MINDY4: variants seen among roughly 807,000 people sequenced by gnomAD.
The protein encoded by MINDY4 is MINDY lysine 48 deubiquitinase 4.
Under a neutral mutation model 87.0 loss-of-function variants are expected in MINDY4, and 68 were observed. The observed-to-expected ratio is 0.78, with a 90% confidence interval of 0.64 to 0.96. The LOEUF (loss-of-function observed/expected upper bound fraction) is 0.96. Ranked by LOEUF, MINDY4 falls within the 40% of genes least tolerant of loss-of-function variation. MINDY4 has a pLI of 0.00. For synonymous variants in MINDY4, 379 were observed against 363.2 expected (o/e 1.04, Z -0.50); for missense variants, 919 against 928.2 (o/e 0.99, Z 0.13).
At chr7:30,828,007 A>G (rs574313568) in intron 5 of MINDY4, among the ~76,000 whole-genome samples, 1 of 152,208 alleles carries the variant, frequency 6.6e-6, no homozygotes, top group Non-Finnish European at 1.5e-5. Flanking sequence ...AGGTCAATGT[A>G]TGCTGGAGAA....
At chr7:30,771,658 C>A in intron 1 of MINDY4, 102 bp downstream of exon 1, 1 of 1,129,598 alleles carries the variant, frequency 8.9e-7, no homozygotes, top group Non-Finnish European at 1.3e-6. Context: ...GGCGCCCGTT[C>A]CCTACCTACT....
At chr7:30,883,259 C>G (rs1392490025) in intron 17 of MINDY4, among the ~76,000 whole-genome samples, 1 of 152,198 alleles carries the variant, frequency 6.6e-6, no homozygotes, top group East Asian at 1.9e-4. Context: ...ATGGGCACCT[C>G]TTGAAGCCCC....
intron 13 of MINDY4, among the ~76,000 whole-genome samples, chr7:30,864,710 T>C (rs891544050): frequency 1.3e-5 from 2 of 152,236 alleles, no homozygotes; most frequent in African/African-American, 2.4e-5. Flanking sequence ...AGGCAGTCAC[T>C]GCCCAGAGAA....
chr7:30,877,037 C>G (rs558234070), intron 15 of MINDY4, among the ~76,000 whole-genome samples: 20 of 152,222 alleles, frequency 1.3e-4, no homozygotes, highest in Non-Finnish European at 2.2e-4. Flanking sequence ...GATGATACCC[C>G]CAGCATGCCA....
chr7:30,872,255 C>CT lies in MINDY4; in HGVS notation c.1761dup (p.Asp588Ter). ...TTGTGTTTTCCAGCATCCGCCAGGA[C>CT]TTTGATGTCCCCACCAGCCACCTGA... On this transcript the variant is annotated frameshift_variant, in exon 14 of 18. Transcript: ENST00000265299. LOFTEE classifies it high-confidence loss of function. 1 of 1,614,186 alleles carries CT rather than the reference C, an allele frequency of 6.2e-7. No homozygotes were observed. The highest frequency in any genetic ancestry group is 8.5e-7 in the Non-Finnish European group (1 of 1,180,014).
chr7:30,806,224 C>T (rs1445851434), intron 5 of MINDY4, among the ~76,000 whole-genome samples: 1 of 152,138 alleles, frequency 6.6e-6, no homozygotes, highest in African/African-American at 2.4e-5. Context: ...CTTGGCTCGC[C>T]ATCTTTCACA....
Position 30,860,613 on chromosome 7 carries a change from C to T in MINDY4, c.1745+1289C>T, listed in dbSNP as rs555867947. ...CCAGGCTCAATGATGCCAGTCTCAG[C>T]GCCCCCATCCATGCGGGGGCCCTCT... is the stretch of plus-strand genomic sequence containing the variant. On this transcript the variant is annotated intron_variant, in intron 13 of 17. Coordinates refer to ENST00000265299, the MANE Select transcript of MINDY4 (RefSeq NM_032222.3). 3.0e-3 allele frequency among the ~76,000 whole-genome samples: 454 copies of T among 152,122 alleles called. 3 individuals carry two copies. Among genetic ancestry groups the T allele is most frequent in the African/African-American group, 0.011 (436 of 41,480 alleles).
chr7:30,850,649 C>G, intron 10 of MINDY4, 94 bp downstream of exon 10: 1 of 1,107,466 alleles, frequency 9.0e-7, no homozygotes, highest in Admixed American at 2.0e-5. Context: ...TGGGTCCTTC[C>G]GTTACCCACC....
intron 17 of MINDY4, among the ~76,000 whole-genome samples, chr7:30,884,780 T>A (rs1315757510): frequency 1.3e-5 from 2 of 152,246 alleles, no homozygotes; most frequent in African/African-American, 4.8e-5. Flanking sequence ...ATTGGACTTC[T>A]TGGGCTCAGC....
intron 4 of MINDY4, chr7:30,786,741 A>G (rs1266625432): frequency 6.6e-6 from 1 of 151,562 alleles, no homozygotes; most frequent in Non-Finnish European, 1.5e-5. Context: ...TTCTGCTTTT[A>G]TTTTTTTCTC....
At chr7:30,862,638 A>T (rs1465487331) in intron 13 of MINDY4, among the ~76,000 whole-genome samples, 1 of 152,250 alleles carries the variant, frequency 6.6e-6, no homozygotes, top group African/African-American at 2.4e-5. Flanking sequence ...ACATTTGGAC[A>T]CTTGGGTGCA....
intron 10 of MINDY4, among the ~76,000 whole-genome samples, chr7:30,851,508 G>A (rs1789412207): frequency 6.6e-6 from 1 of 152,228 alleles, no homozygotes; most frequent in African/African-American, 2.4e-5. Flanking sequence ...TTAGGACAGT[G>A]TCTGGCACAT....
At chr7:30,808,620 C>T (rs1455333620) in intron 5 of MINDY4, among the ~76,000 whole-genome samples, 2 of 152,116 alleles carry the variant, frequency 1.3e-5, no homozygotes, top group Admixed American at 1.3e-4. Context: ...CTATGGAGTA[C>T]TGTGACACCA....
intron 13 of MINDY4, among the ~76,000 whole-genome samples, chr7:30,868,083 T>G (rs1037093963): frequency 6.6e-6 from 1 of 152,230 alleles, no homozygotes; most frequent in Admixed American, 6.5e-5. Context: ...CACTTGGACT[T>G]ACTTTCCTTC....
chr7:30,824,147 T>C (rs928706307), intron 5 of MINDY4, among the ~76,000 whole-genome samples: 1 of 152,078 alleles, frequency 6.6e-6, no homozygotes, highest in African/African-American at 2.4e-5. Context: ...GTTCTGGAGG[T>C]TGGAAAGTCC....
At chr7:30,828,552 C>G (rs1259238305) in intron 5 of MINDY4, 127 bp from the exon 6 acceptor site, 1 of 938,028 alleles carries the variant, frequency 1.1e-6, no homozygotes, top group Admixed American at 1.8e-5. Flanking sequence ...TCAAGGCACA[C>G]AGAGGCAAGG....
At chr7:30,852,988 A>C (rs1416102040) in intron 11 of MINDY4, among the ~76,000 whole-genome samples, 2 of 152,214 alleles carry the variant, frequency 1.3e-5, no homozygotes, top group Non-Finnish European at 2.9e-5. Flanking sequence ...TGCTGAACTC[A>C]GGACACAGCC....
intron 9 of MINDY4, among the ~76,000 whole-genome samples, chr7:30,846,831 G>A (rs1420403025): frequency 3.9e-5 from 6 of 152,132 alleles, no homozygotes; most frequent in African/African-American, 9.7e-5. Flanking sequence ...CATAAGGAGC[G>A]CGCAACCTAG....
intron 12 of MINDY4, among the ~76,000 whole-genome samples, chr7:30,853,739 G>T (rs1384345617): frequency 6.6e-6 from 1 of 152,210 alleles, no homozygotes; most frequent in Non-Finnish European, 1.5e-5. Context: ...TGGACGGGTG[G>T]GGTCAGGACA....
Sources: gnomAD v4.1 joint callset for allele counts (sites outside exome capture counted in the v4.1 genomes callset) on GRCh38, gnomAD v4.1.1 for gene constraint, MANE v1.5 for transcripts, NCBI Gene and HGNC (gene_info 2026-07-23, HGNC 2026-07-21) for gene names.